Variants in SPAG4 observed in about 807,000 individuals in gnomAD.
The protein encoded by SPAG4 is sperm-associated antigen 4 protein.
A neutral mutation model predicts 53.9 loss-of-function variants in SPAG4; 54 were observed. The ratio of observed to expected loss-of-function variants is 1.00; its 90% CI spans 0.80 to 1.26. The LOEUF is 1.26. SPAG4 is among the 50% of genes most tolerant of loss of function. SPAG4 has a pLI of 0.00. For missense variants in SPAG4, 548 were observed against 568.6 expected (o/e 0.96, Z 0.37); for synonymous variants, 246 against 237.4 (o/e 1.04, Z -0.33).
chr20:35,619,527 G>C (rs942578790), intron 9 of SPAG4, 52 bp from the exon 10 acceptor site: 5 of 1,590,024 alleles, frequency 3.1e-6, no homozygotes, highest in South Asian at 1.1e-5. Context: ...GCTGGGGAGC[G>C]GCAGCAGTCG....
intron 10 of SPAG4, 111 bp downstream of exon 10, chr20:35,619,857 T>C: frequency 8.9e-7 from 1 of 1,122,680 alleles, no homozygotes; most frequent in East Asian, 2.5e-5. Flanking sequence ...AAAATGAAGA[T>C]ACTACTATTT....
At chr20:35,618,508 G>A (rs1197111805) in intron 6 of SPAG4, 33 bp downstream of exon 6, 1 of 1,613,354 alleles carries the variant, frequency 6.2e-7, no homozygotes, top group Non-Finnish European at 8.5e-7. Context: ...GGAAATTGGG[G>A]GGCTCAAAGT....
At chr20:35,617,678 G>T (rs2031434401) in intron 3 of SPAG4, 92 bp downstream of exon 3, 3 of 1,567,202 alleles carry the variant, frequency 1.9e-6, no homozygotes, top group East Asian at 2.2e-5. Flanking sequence ...AGCCGATTCA[G>T]ATCTGATTGA....
rs376945468 is a variant in SPAG4, at chr20:35,618,730, G to A, written c.717+10G>A. On this transcript the variant is annotated intron_variant, in intron 7 of 11. Transcript: ENST00000374273. Reference sequence around the variant, plus strand: ...GGCAGCCAACAGCGAGGTGAGCCCCGGCCCACCTTGGAAACCCCTGATGGA... The same window carrying A: ...GGCAGCCAACAGCGAGGTGAGCCCCAGCCCACCTTGGAAACCCCTGATGGA... 1.3e-6 allele frequency: 2 copies of A among 1,561,934 alleles called. No homozygotes were observed. The highest frequency in any genetic ancestry group is 1.2e-5 in the South Asian group (1 of 86,820).
chr20:35,616,462 G>A, intron 1 of SPAG4, 155 bp downstream of exon 1: 1 of 843,828 alleles, frequency 1.2e-6, no homozygotes, highest in Non-Finnish European at 1.4e-6. Context: ...CCCTTAAGGG[G>A]CGGAGCCTCG....
Position 35,618,998 on chromosome 20 carries a change from G to T in SPAG4, c.793G>T (p.Gly265Ter). The change falls in exon 8 of 12, where the codon GGA becomes TGA. Residue 265 changes from glycine to a stop codon, truncating the protein, a stop_gained and splice_region_variant. Transcript: ENST00000374273. LOFTEE classifies it high-confidence loss of function. Reference sequence around the variant, plus strand: ...GCCCGACTATGCTTTGAGCTCTGTGGGTAAGACCCGGAGACACTGGAAGAC... The same window carrying T: ...GCCCGACTATGCTTTGAGCTCTGTGTGTAAGACCCGGAGACACTGGAAGAC... ...RKPDYALSSV[G>*]ASIDLQKTSH... 1 of 1,613,194 alleles carries T rather than the reference G, an allele frequency of 6.2e-7. No individual in the cohort carries two copies. Among genetic ancestry groups the T allele is most frequent in the Non-Finnish European group, 8.5e-7 (1 of 1,179,142 alleles).
At chr20:35,616,353 C>T (rs1422693044) in intron 1 of SPAG4, 46 bp downstream of exon 1, 11 of 1,438,834 alleles carry the variant, frequency 7.6e-6, no homozygotes, top group Non-Finnish European at 1.0e-5. Context: ...GGGGGCGGGG[C>T]CTAAAGGGCG....
chr20:35,616,037 T>G lies in SPAG4; in HGVS notation c.34T>G (p.Ser12Ala). The G allele has an allele frequency of 1.2e-6, 2 of 1,612,142 alleles. No individual in the cohort carries two copies. The highest frequency in any genetic ancestry group is 1.7e-5 in the Admixed American group (1 of 59,998). ...RRSSRPGSAS[S>A]SRKHTPNFFS... ...AAGCTCCCGCCCGGGCTCGGCCTCG[T>G]CCTCGCGCAAGCACACGCCCAACTT... The change falls in exon 1 of 12, where the codon TCC becomes GCC. Residue 12 changes from serine to alanine, a missense_variant. Coordinates refer to ENST00000374273, the MANE Select transcript of SPAG4 (RefSeq NM_003116.3).
In SPAG4 at chr20:35,616,245, C is replaced by G. The variant is rs1250243387; in HGVS notation, c.242C>G (p.Ala81Gly). ...GCAGGAAGCTCTCAGCAGAAGCCAG[C>G]GCCTCGGAGCCACAACTGGCAGACA... is the stretch of plus-strand genomic sequence containing the variant. Reference protein sequence around the residue: ...TWAGSSQQKPAPRSHNWQTAC... With the variant: ...TWAGSSQQKPGPRSHNWQTAC... The change falls in exon 1 of 12, where the codon GCG becomes GGG. Residue 81 changes from alanine to glycine, a missense_variant. Physicochemically the swap from Ala to Gly is moderately conservative, Grantham distance 60. Coordinates refer to ENST00000374273, the MANE Select transcript of SPAG4 (RefSeq NM_003116.3). 4 of 1,521,254 alleles carry G rather than the reference C, an allele frequency of 2.6e-6. No homozygotes were observed. Among genetic ancestry groups the G allele is most frequent in the Non-Finnish European group, 3.5e-6 (4 of 1,138,504 alleles). The allele number at this position is 1,521,254 out of a possible 1,614,324, so 94.2% of individuals were successfully genotyped here.
At position 35,619,211 on chromosome 20, in the gene SPAG4, G is replaced by A. The variant is rs2031493151; in HGVS notation, c.810G>A (p.Leu270=). 6 of 1,612,490 alleles carry A rather than the reference G, an allele frequency of 3.7e-6. No homozygotes were observed. The highest frequency in any genetic ancestry group is 1.7e-5 in the Admixed American group (1 of 59,786). ...CTGTTCCAGGAGCCTCCATCGACCT[G>A]CAGAAGACATCCCACGATTACGCAG... ...ALSSVGASID[L]QKTSHDYADR... The change falls in exon 9 of 12, where the codon CTG becomes CTA. Residue 270 remains leucine, a synonymous_variant. Coordinates refer to ENST00000374273, the MANE Select transcript of SPAG4 (RefSeq NM_003116.3).
In SPAG4 at chr20:35,619,576, C is replaced by T. The variant is rs1455529890; in HGVS notation, c.910-3C>T. ...TTCCGATGGTCCCTCCGCCCGCCTGCAGCCCCACGTGTTCCCTGGGAATTG... is the reference window on the plus strand; with the variant it reads ...TTCCGATGGTCCCTCCGCCCGCCTGTAGCCCCACGTGTTCCCTGGGAATTG... On this transcript the variant is annotated splice_region_variant and splice_polypyrimidine_tract_variant and intron_variant, in intron 9 of 11. Transcript: ENST00000374273. 6.2e-7 allele frequency: 1 copy of T among 1,611,504 alleles called. No individual in the cohort carries two copies. Among genetic ancestry groups the T allele is most frequent in the Middle Eastern group, 1.7e-4 (1 of 6,034 alleles).
intron 7 of SPAG4, 89 bp downstream of exon 7, chr20:35,618,809 T>G: frequency 2.8e-6 from 4 of 1,431,200 alleles, no homozygotes; most frequent in Admixed American, 3.7e-5. Flanking sequence ...CTGCGGGATT[T>G]CTCCCGGTGC....
intron 10 of SPAG4, 112 bp downstream of exon 10, chr20:35,619,858 A>C: frequency 1.8e-6 from 2 of 1,125,142 alleles, no homozygotes; most frequent in South Asian, 1.6e-5. Flanking sequence ...AAATGAAGAT[A>C]CTACTATTTG....
At chr20:35,618,744 AC>A (rs890794871) in intron 7 of SPAG4, 24 bp downstream of exon 7, 3 of 1,522,848 alleles carry the variant, frequency 2.0e-6, no homozygotes, top group Non-Finnish European at 2.7e-6. Flanking sequence ...CACCTTGGAA[AC>A]CCCTGATGGA....
At chr20:35,620,538 TAC>T in intron 10 of SPAG4, 144 bp from the exon 11 acceptor site, 1 of 612,572 alleles carries the variant, frequency 1.6e-6, no homozygotes, top group Non-Finnish European at 2.9e-6. Context: ...CATTCTGAAT[TAC>T]AGTGTACGAC....
Position 35,621,067 on chromosome 20 carries a change from T to C in SPAG4, c.*45T>C, listed in dbSNP as rs1445533511. 2 of 1,596,984 alleles carry C rather than the reference T, an allele frequency of 1.3e-6. No homozygotes were observed. The highest frequency in any genetic ancestry group is 2.2e-5 in the East Asian group (1 of 44,446). ...AGAATTGAGTTCTGCTGAAGGATAC[T>C]GGATCAGTGCTTTCGGGGGCTCTGT... On this transcript the variant is annotated 3_prime_UTR_variant, in exon 12 of 12. Transcript: ENST00000374273.
At chr20:35,616,435 A>T in intron 1 of SPAG4, 128 bp downstream of exon 1, 4 of 1,310,602 alleles carry the variant, frequency 3.1e-6, no homozygotes, top group Non-Finnish European at 3.9e-6. Flanking sequence ...GGGTAAAGGG[A>T]TGGTGCTAAA....
chr20:35,618,394 A>G (rs1483342535), intron 5 of SPAG4, 56 bp from the exon 6 acceptor site: 1 of 1,609,934 alleles, frequency 6.2e-7, no homozygotes, highest in Non-Finnish European at 8.5e-7. Context: ...AGGCTGAGGT[A>G]GGAGCAAGGA....
rs765759697 is a variant in SPAG4, at chr20:35,618,666, C to G, written c.663C>G (p.Ala221=). The part of the protein sequence containing the change: ...SQGQQLQQLQ[A]ELDKLHKEVS... ...GGCAGCAGCTGCAGCAGCTCCAGGC[C>G]GAGCTGGATAAACTCCACAAGGAGG... Residue 221 remains alanine, a synonymous_variant, in exon 7 of 12, where the codon GCC becomes GCG. Transcript: ENST00000374273. 6.3e-7 allele frequency: 1 copy of G among 1,596,464 alleles called. No homozygotes were observed. The highest frequency in any genetic ancestry group is 8.5e-7 in the Non-Finnish European group (1 of 1,171,504).
Sources: allele counts gnomAD v4.1 joint callset, GRCh38; gene constraint gnomAD v4.1.1; transcripts MANE v1.5; gene names NCBI Gene and HGNC (gene_info 2026-07-23, HGNC 2026-07-21).